MACROH2A1: variants seen among roughly 807,000 people sequenced by gnomAD.
The protein encoded by MACROH2A1 is macroH2A.1 histone.
In MACROH2A1, 2 loss-of-function variants were observed where a neutral mutation model predicts 31.6. That is an observed-to-expected ratio of 0.06 (90% CI 0.03 to 0.20). The LOEUF is 0.20. Among genes scored for constraint, MACROH2A1 ranks in the 10% least tolerant of loss-of-function variants. MACROH2A1 has a pLI of 1.00. For missense variants in MACROH2A1, 230 were observed against 474.0 expected (o/e 0.49, Z 4.78); for synonymous variants, 169 against 189.6 (o/e 0.89, Z 0.89).
At chr5:135,387,519 C>A (rs73789334) in intron 2 of MACROH2A1, among the ~76,000 whole-genome samples, 9 of 152,136 alleles carry the variant, frequency 5.9e-5, no homozygotes, top group African/African-American at 2.2e-4. Context: ...CTTACTGAGT[C>A]GTCCTTTCTG....
At chr5:135,384,764 T>A (rs781276907) in intron 2 of MACROH2A1, among the ~76,000 whole-genome samples, 2 of 152,242 alleles carry the variant, frequency 1.3e-5, no homozygotes, top group Non-Finnish European at 2.9e-5. Context: ...ACATGCATGC[T>A]CTCACATCAG....
intron 8 of MACROH2A1, chr5:135,337,814 G>A (rs1324946326): frequency 6.2e-6 from 2 of 322,086 alleles, no homozygotes; most frequent in Non-Finnish European, 4.6e-6. Context: ...GAGAGCAGAC[G>A]GTTCCACCGG....
intron 4 of MACROH2A1, among the ~76,000 whole-genome samples, chr5:135,363,055 G>A (rs1032965696): frequency 5.2e-4 from 79 of 152,182 alleles, no homozygotes; most frequent in African/African-American, 1.8e-3. Context: ...CTTTCCCTAA[G>A]CCTTAGATTC....
chr5:135,393,819 A>C (rs1767584456), intron 1 of MACROH2A1, among the ~76,000 whole-genome samples: 1 of 152,114 alleles, frequency 6.6e-6, no homozygotes, highest in African/African-American at 2.4e-5. Flanking sequence ...TGTGGTCTTT[A>C]TTTCTGCAAC....
rs548682348 is a variant in MACROH2A1 at position 135,347,500 on chromosome 5, C to T, written c.689-1443G>A. 4 of 152,320 alleles carry T rather than the reference C, an allele frequency of 2.6e-5. No individual in the cohort carries two copies. The South Asian group carries it at 8.3e-4, about 32-fold the overall frequency. 9.4% of individuals were successfully genotyped at this position (152,320 alleles called of 1,614,324 possible). A position where few individuals can be genotyped will look rare whatever the true frequency, so the allele number is the denominator to read the frequency against. On this transcript the variant is annotated intron_variant, in intron 6 of 8. Coordinates refer to ENST00000511689, the MANE Select transcript of MACROH2A1 (RefSeq NM_138610.3). The stretch of plus-strand genomic sequence containing the variant: ...TTCATGATCTCAGACTGCCCTCCTG[C>T]CTCTACCTGTCCTGGAAAGCAGCAC...
At position 135,382,254 on chromosome 5, in the gene MACROH2A1, C is replaced by T. The variant is rs187999804; in HGVS notation, c.172+6668G>A. Among the ~76,000 whole-genome samples, 351 of 152,316 alleles carry T rather than the reference C, an allele frequency of 2.3e-3. 4 individuals carry two copies. The highest frequency in any genetic ancestry group is 5.9e-4 in the Non-Finnish European group (40 of 68,030). On this transcript the variant is annotated intron_variant, in intron 2 of 8. Coordinates refer to ENST00000511689, the MANE Select transcript of MACROH2A1 (RefSeq NM_138610.3). ...TGGCCCAAGCAAAAGCAGAACCCTC[C>T]ACGTGGAACTTGTCTACCTATCTGC...
chr5:135,335,229 CT>C (rs1404762875), intron 8 of MACROH2A1, 88 bp from the exon 9 acceptor site: 47 of 962,488 alleles, frequency 4.9e-5, no homozygotes, highest in Non-Finnish European at 7.3e-5. Context: ...TCCCTCTGTG[CT>C]GCAGCTTGCC....
At chr5:135,358,207 T>C (rs1762410830) in intron 5 of MACROH2A1, 1 of 985,298 alleles carries the variant, frequency 1.0e-6, no homozygotes, top group Admixed American at 6.1e-5. Flanking sequence ...AGCCAGAAAG[T>C]AATGCTTCAA....
At chr5:135,382,711 C>T (rs562309854) in intron 2 of MACROH2A1, among the ~76,000 whole-genome samples, 1 of 152,280 alleles carries the variant, frequency 6.6e-6, no homozygotes, top group Admixed American at 6.5e-5. Context: ...AGAAGACAAG[C>T]CACAGATTGG....
chr5:135,369,492 G>C lies in MACROH2A1; in HGVS notation c.391C>G (p.Pro131Ala). The part of the protein sequence containing the change: ...KGKLEAIITP[P>A]PAKKAKSPSQ... ...GGAGACTTGGCCTTTTTGGCTGGGGGTGGTGTGATGATGGCTTCCAACTTT... is the reference window on the plus strand; with the variant it reads ...GGAGACTTGGCCTTTTTGGCTGGGGCTGGTGTGATGATGGCTTCCAACTTT... The change falls in exon 4 of 9, where the codon CCC (proline) becomes GCC (alanine). Residue 131 changes from proline to alanine, a missense_variant. This residue lies in a region of MACROH2A1 where 183 missense variants were observed against 319.3 expected (regional missense o/e 0.57). Transcript: ENST00000511689. The surrounding 1 kb of genome is among the most constrained non-coding windows in gnomAD (Gnocchi z 4.3). The C allele has an allele frequency of 6.2e-7, 1 of 1,614,172 alleles. No individual in the cohort carries two copies. Among genetic ancestry groups the C allele is most frequent in the Non-Finnish European group, 8.5e-7 (1 of 1,179,996 alleles).
At chr5:135,357,283 A>G (rs1036598937) in intron 5 of MACROH2A1, 1 of 152,234 alleles carries the variant, frequency 6.6e-6, no homozygotes, top group Non-Finnish European at 1.5e-5. Context: ...TGGCTTTGTC[A>G]GTTTCCTAAA....
chr5:135,362,311 G>A (rs374545862), intron 4 of MACROH2A1: 1 of 152,214 alleles, frequency 6.6e-6, no homozygotes, highest in African/African-American at 2.4e-5. Context: ...TAACAATGGG[G>A]AAACTGGGTG....
At chr5:135,340,216 G>A (rs1184412666) in intron 8 of MACROH2A1, among the ~76,000 whole-genome samples, 1 of 152,168 alleles carries the variant, frequency 6.6e-6, no homozygotes, top group Non-Finnish European at 1.5e-5. Flanking sequence ...CAAGTTGAGT[G>A]ACCTCAGATG....
intron 1 of MACROH2A1, among the ~76,000 whole-genome samples, chr5:135,397,057 G>T (rs1305987894): frequency 6.6e-6 from 1 of 151,386 alleles, no homozygotes; most frequent in East Asian, 1.9e-4. Context: ...AATCCTTGGG[G>T]ACACTCAAAT....
rs1232350563 is a variant in MACROH2A1, at chr5:135,383,695, GGTGTGGTGTGTGTGTGT to G, written c.172+5210_172+5226del. Among the ~76,000 whole-genome samples the G allele has an allele frequency of 3.3e-3, 484 of 146,286 alleles. 1 individual carries two copies. Among genetic ancestry groups the G allele is most frequent in the African/African-American group, 0.011 (440 of 39,224 alleles). On this transcript the variant is annotated intron_variant, in intron 2 of 8. Coordinates refer to ENST00000511689, the MANE Select transcript of MACROH2A1 (RefSeq NM_138610.3). ...TAATTGTCCCTTTCCTGTGTGATGT[GGTGTGGTGTGTGTGTGT>G]GTGTGTGTGTGTGTGTGTGTGTGTG...
intron 8 of MACROH2A1, 142 bp from the exon 9 acceptor site, chr5:135,335,283 C>A: frequency 4.7e-6 from 3 of 636,374 alleles, no homozygotes; most frequent in Admixed American, 2.7e-5. Context: ...TCTGCTTGTA[C>A]GCCAGTGTGG....
intron 5 of MACROH2A1, 108 bp from the exon 6 acceptor site, chr5:135,353,153 A>C: frequency 4.2e-6 from 3 of 721,644 alleles, no homozygotes; most frequent in Non-Finnish European, 7.6e-6. Context: ...TGCACGAGGC[A>C]CAAAAGGGAA....
intron 2 of MACROH2A1, among the ~76,000 whole-genome samples, chr5:135,388,019 A>T (rs1392204040): frequency 4.0e-5 from 6 of 151,550 alleles, no homozygotes; most frequent in Non-Finnish European, 7.4e-5. Flanking sequence ...ACTAAATTTT[A>T]AAAAATCTGT....
At chr5:135,376,236 A>G (rs1764840081) in intron 2 of MACROH2A1, among the ~76,000 whole-genome samples, 1 of 151,838 alleles carries the variant, frequency 6.6e-6, no homozygotes, top group African/African-American at 2.4e-5. Flanking sequence ...CCCACTGCAG[A>G]CTCCTCCGAA....
Sources: allele counts gnomAD v4.1 joint callset (sites outside exome capture counted in the v4.1 genomes callset), GRCh38; gene constraint gnomAD v4.1.1; regional missense constraint gnomAD v4.1.1; non-coding constraint Gnocchi (gnomAD v3.1); transcripts MANE v1.5; gene names NCBI Gene and HGNC (gene_info 2026-07-23, HGNC 2026-07-21).